Variants in MARCHF1 observed in about 807,000 individuals in gnomAD.
MARCHF1 encodes the protein membrane associated ring-CH-type finger 1, also known as E3 ubiquitin-protein ligase MARCHF1.
Under a neutral mutation model 54.2 loss-of-function variants are expected in MARCHF1, and 40 were observed. That is an observed-to-expected ratio of 0.74 (90% CI 0.57 to 0.96). The LOEUF (loss-of-function observed/expected upper bound fraction) is 0.96. Ranked by LOEUF, MARCHF1 falls within the 40% of genes least tolerant of loss-of-function variation. The pLI is 0.00. For synonymous variants in MARCHF1, 236 were observed against 236.3 expected, an observed-to-expected ratio of 1.00 and a Z score of 0.01; for missense variants, 586 against 656.5, an observed-to-expected ratio of 0.89 and a Z score of 1.17.
intron 2 of MARCHF1, among the ~76,000 whole-genome samples, chr4:164,056,656 A>G (rs1444378219): frequency 2.0e-5 from 3 of 152,296 alleles, no homozygotes; most frequent in Admixed American, 2.0e-4. Context: ...GCCTGGCTTT[A>G]GGGATTGTGA....
intron 3 of MARCHF1, among the ~76,000 whole-genome samples, chr4:163,971,549 A>G (rs752653569): frequency 6.6e-6 from 1 of 152,212 alleles, no homozygotes; most frequent in Non-Finnish European, 1.5e-5. Context: ...GGAAAGACTA[A>G]GGTGGGAATG....
At chr4:163,917,518 G>A (rs188723994) in intron 3 of MARCHF1, among the ~76,000 whole-genome samples, 1 of 152,262 alleles carries the variant, frequency 6.6e-6, no homozygotes, top group Admixed American at 6.5e-5. Context: ...CACATAAAAT[G>A]TTGAGAATCT....
intron 3 of MARCHF1, among the ~76,000 whole-genome samples, chr4:163,939,496 G>C (rs1003213146): frequency 6.6e-6 from 1 of 152,134 alleles, no homozygotes; most frequent in Non-Finnish European, 1.5e-5. Context: ...TGGGTGGTCT[G>C]TGATAATCAC....
intron 2 of MARCHF1, among the ~76,000 whole-genome samples, chr4:164,042,723 A>C (rs1372567146): frequency 6.6e-6 from 1 of 152,184 alleles, no homozygotes; most frequent in Non-Finnish European, 1.5e-5. Context: ...CTGATTCCAA[A>C]GTCTCATCTG....
intron 5 of MARCHF1, among the ~76,000 whole-genome samples, chr4:163,641,295 A>G (rs563618355): frequency 6.6e-6 from 1 of 152,290 alleles, no homozygotes; most frequent in East Asian, 1.9e-4. Context: ...AGGGAAATCA[A>G]ATAAGAATAC....
intron 3 of MARCHF1, among the ~76,000 whole-genome samples, chr4:163,892,101 T>C (rs959192002): frequency 6.6e-6 from 1 of 152,142 alleles, no homozygotes; most frequent in Non-Finnish European, 1.5e-5. Flanking sequence ...ACCATAATTA[T>C]GTCCAAATAG....
At chr4:164,241,283 T>C (rs562415383) in intron 1 of MARCHF1, among the ~76,000 whole-genome samples, 2 of 152,134 alleles carry the variant, frequency 1.3e-5, no homozygotes, top group African/African-American at 4.8e-5. Flanking sequence ...GCCTCAGAAC[T>C]CTTGAGGAAG....
At chr4:164,276,028 T>C (rs1733872627) in intron 1 of MARCHF1, among the ~76,000 whole-genome samples, 1 of 152,184 alleles carries the variant, frequency 6.6e-6, no homozygotes, top group Non-Finnish European at 1.5e-5. Context: ...CACCATAGTC[T>C]GTCCCATTTC....
chr4:164,176,968 CTCT>C (rs1730691446), intron 1 of MARCHF1, among the ~76,000 whole-genome samples: 1 of 43,344 alleles, frequency 2.3e-5, no homozygotes, highest in African/African-American at 1.1e-4. Context: ...CTCTCTCTCT[CTCT>C]CTCTCTCTCT....
At position 164,331,841 on chromosome 4, in the gene MARCHF1, C is replaced by A. The variant is rs370653697; in HGVS notation, c.-323+52029G>T. ...TTATCTTTGTCTTTGTGTAAAATTTCAAATATATACAATAACAGAGAAGAA... is the reference window on the plus strand; with the variant it reads ...TTATCTTTGTCTTTGTGTAAAATTTAAAATATATACAATAACAGAGAAGAA... On this transcript the variant is annotated intron_variant, in intron 1 of 9. Transcript: ENST00000514618. Among the ~76,000 whole-genome samples, 7 of 152,194 alleles carry A rather than the reference C, an allele frequency of 4.6e-5. No individual in the cohort carries two copies. In the East Asian group the frequency reaches 1.4e-3, roughly 29 times the overall value.
intron 4 of MARCHF1, among the ~76,000 whole-genome samples, chr4:163,803,506 A>G (rs762303159): frequency 1.3e-5 from 2 of 149,174 alleles, no homozygotes; most frequent in Non-Finnish European, 2.9e-5. Context: ...CTCATTCACC[A>G]TCCTGAATCC....
chr4:164,190,278 G>A, intron 1 of MARCHF1: 1 of 876,922 alleles, frequency 1.1e-6, no homozygotes, highest in Non-Finnish European at 1.9e-6. Flanking sequence ...CAAACTCTAT[G>A]GAAGTGCAAG....
chr4:163,680,124 A>T (rs1416391102), intron 5 of MARCHF1, among the ~76,000 whole-genome samples: 1 of 151,930 alleles, frequency 6.6e-6, no homozygotes, highest in Non-Finnish European at 1.5e-5. Flanking sequence ...GAGTCCAAGG[A>T]TCTTCCATGA....
chr4:164,156,182 C>T (rs554758835), intron 1 of MARCHF1, among the ~76,000 whole-genome samples: 1 of 152,112 alleles, frequency 6.6e-6, no homozygotes, highest in Non-Finnish European at 1.5e-5. Context: ...GTGAGGCCCC[C>T]AGTTCTACAT....
intron 5 of MARCHF1, among the ~76,000 whole-genome samples, chr4:163,645,768 C>A (rs1228221862): frequency 2.6e-5 from 4 of 152,100 alleles, no homozygotes; most frequent in African/African-American, 4.8e-5. Flanking sequence ...GAAGACAGAT[C>A]ATTTGAAATT....
chr4:163,730,622 G>GT (rs1234625916), intron 4 of MARCHF1, among the ~76,000 whole-genome samples: 1 of 151,954 alleles, frequency 6.6e-6, no homozygotes, highest in African/African-American at 2.4e-5. Context: ...CAACGTGCAG[G>GT]TTTGTTACAT....
At chr4:164,127,968 C>T (rs1446889115) in intron 1 of MARCHF1, among the ~76,000 whole-genome samples, 4 of 152,020 alleles carry the variant, frequency 2.6e-5, no homozygotes, top group Admixed American at 6.5e-5. Context: ...AATATAATGC[C>T]TCTGTAGATA....
At chr4:163,579,063 A>G (rs1190305244) in intron 8 of MARCHF1, among the ~76,000 whole-genome samples, 1 of 152,124 alleles carries the variant, frequency 6.6e-6, no homozygotes, top group African/African-American at 2.4e-5. Context: ...ACTCTATAAT[A>G]CCAATCTCAG....
intron 4 of MARCHF1, among the ~76,000 whole-genome samples, chr4:163,847,657 T>C (rs189279721): frequency 1.7e-3 from 246 of 141,318 alleles, no homozygotes; most frequent in African/African-American, 6.4e-3. Context: ...CTTGGCTTAC[T>C]GCAACCTCCG....
Sources: gnomAD v4.1 joint callset for allele counts (sites outside exome capture counted in the v4.1 genomes callset) on GRCh38, gnomAD v4.1.1 for gene constraint, MANE v1.5 for transcripts, NCBI Gene and HGNC (gene_info 2026-07-23, HGNC 2026-07-21) for gene names.